Variants in GRID2 observed in about 807,000 individuals in gnomAD.
GRID2 encodes glutamate receptor ionotropic, delta-2.
GRID2 carries 33 observed loss-of-function variants against 114.8 expected under a neutral mutation model. The observed-to-expected ratio is 0.29, with a 90% CI of 0.22 to 0.38. GRID2 has a LOEUF of 0.38. Among genes scored for constraint, GRID2 ranks in the 10% least tolerant of loss-of-function variants. The pLI is 1.00. For missense variants in GRID2, 1,184 were observed against 1,257.7 expected, an observed-to-expected ratio of 0.94 and a Z score of 0.89; for synonymous variants, 505 against 449.9, an observed-to-expected ratio of 1.12 and a Z score of -1.55.
intron 1 of GRID2, among the ~76,000 whole-genome samples, chr4:92,421,861 C>G (rs879526686): frequency 2.9e-4 from 44 of 152,030 alleles, no homozygotes; most frequent in Admixed American, 2.0e-3. Flanking sequence ...GCCAATAGTT[C>G]AAATCTGCAA....
rs538431795 is a variant in GRID2, at chr4:93,589,601, A to G, written c.2194-36668A>G. ...GATGGCTGGGTCAAATGGTATTTCT[A>G]GTTCTAGATCCCTGAGGAATCGCCA... is the stretch of plus-strand genomic sequence containing the variant. On this transcript the variant is annotated intron_variant, in intron 13 of 15. Coordinates refer to ENST00000282020, the MANE Select transcript of GRID2 (RefSeq NM_001510.4). 1.6e-4 allele frequency among the ~76,000 whole-genome samples: 24 copies of G among 152,034 alleles called. No individual in the cohort carries two copies. In the East Asian group the frequency reaches 4.7e-3, roughly 29 times the overall value.
intron 2 of GRID2, among the ~76,000 whole-genome samples, chr4:92,623,438 C>A (rs1369555705): frequency 1.3e-5 from 2 of 150,976 alleles, no homozygotes; most frequent in Non-Finnish European, 3.0e-5. Context: ...ATCCAAGATA[C>A]ATGAAACAAA....
In GRID2 at chr4:92,653,432, C is replaced by A. The variant is rs753796664; in HGVS notation, c.244+63146C>A. Among the ~76,000 whole-genome samples, 96 of 151,504 alleles carry A rather than the reference C, an allele frequency of 6.3e-4. 1 individual carries two copies. The highest frequency in any genetic ancestry group is 1.3e-3 in the Non-Finnish European group (87 of 67,850). On this transcript the variant is annotated intron_variant, in intron 2 of 15. Transcript: ENST00000282020. ...ATTCACTTATCTTTTTTCTGAGTAA[C>A]TGCAATGAATTTATCATGAAATATG...
intron 4 of GRID2, among the ~76,000 whole-genome samples, chr4:93,157,939 T>C (rs182865490): frequency 6.6e-6 from 1 of 151,778 alleles, no homozygotes; most frequent in Non-Finnish European, 1.5e-5. Flanking sequence ...AACATAAAAT[T>C]ATTAAAATTT....
chr4:92,643,864 A>G (rs1411016947), intron 2 of GRID2, among the ~76,000 whole-genome samples: 1 of 151,868 alleles, frequency 6.6e-6, no homozygotes, highest in African/African-American at 2.4e-5. Flanking sequence ...TCATCTGATG[A>G]GAAATTCAAT....
At chr4:93,067,994 G>A (rs908364215) in intron 2 of GRID2, among the ~76,000 whole-genome samples, 3 of 151,932 alleles carry the variant, frequency 2.0e-5, no homozygotes, top group African/African-American at 7.2e-5. Context: ...GCAACTGTAA[G>A]CTTCTAAAGA....
intron 2 of GRID2, among the ~76,000 whole-genome samples, chr4:92,701,793 G>T (rs1734687748): frequency 6.6e-6 from 1 of 151,994 alleles, no homozygotes; most frequent in Non-Finnish European, 1.5e-5. Flanking sequence ...TTTCCTCCTA[G>T]GTAACACTGC....
At chr4:93,396,042 T>C (rs771257229) in intron 9 of GRID2, among the ~76,000 whole-genome samples, 3 of 151,980 alleles carry the variant, frequency 2.0e-5, no homozygotes, top group African/African-American at 7.2e-5. Context: ...AGTCAACATA[T>C]AGTGAACATT....
rs115804246 is a variant in GRID2, at chr4:93,217,674, C to T, written c.963+763C>T. Reference sequence around the variant, plus strand: ...TTAAGGAGCCCTCTTAAGCAAGAGACGGGAAAAAAATCAATCAGATAAACT... The same window carrying T: ...TTAAGGAGCCCTCTTAAGCAAGAGATGGGAAAAAAATCAATCAGATAAACT... On this transcript the variant is annotated intron_variant, in intron 6 of 15. Transcript: ENST00000282020. Among the ~76,000 whole-genome samples the T allele has an allele frequency of 2.9e-3, 441 of 151,378 alleles. 1 individual carries two copies. Among genetic ancestry groups the T allele is most frequent in the African/African-American group, 9.4e-3 (387 of 41,300 alleles).
chr4:93,287,614 A>G (rs891786426), intron 8 of GRID2, among the ~76,000 whole-genome samples: 14 of 152,214 alleles, frequency 9.2e-5, no homozygotes, highest in Non-Finnish European at 2.1e-4. Flanking sequence ...ACTTAATGAA[A>G]GGACAGTTGC....
chr4:93,533,900 CA>C (rs1444189234), intron 13 of GRID2, among the ~76,000 whole-genome samples: 2 of 152,094 alleles, frequency 1.3e-5, no homozygotes, highest in African/African-American at 4.8e-5. Context: ...ATTGGCTCCC[CA>C]CTCCATTCAA....
chr4:93,315,970 C>G (rs1329057937), intron 8 of GRID2, among the ~76,000 whole-genome samples: 1 of 151,940 alleles, frequency 6.6e-6, no homozygotes, highest in Non-Finnish European at 1.5e-5. Flanking sequence ...TTAAAGAGAG[C>G]AAGGATCTGA....
intron 2 of GRID2, among the ~76,000 whole-genome samples, chr4:92,894,472 AAAAT>A (rs1340440790): frequency 6.6e-6 from 1 of 152,142 alleles, no homozygotes; most frequent in Admixed American, 6.5e-5. Context: ...TTAATGTTAA[AAAAT>A]AAATAAATAA....
At chr4:92,692,024 CAA>C (rs1734206423) in intron 2 of GRID2, among the ~76,000 whole-genome samples, 3 of 152,058 alleles carry the variant, frequency 2.0e-5, no homozygotes, top group African/African-American at 7.2e-5. Flanking sequence ...AACTTAGAGA[CAA>C]AAAGCCACCC....
intron 6 of GRID2, 104 bp from the exon 7 acceptor site, chr4:93,224,510 C>A: frequency 1.5e-6 from 1 of 678,610 alleles, no homozygotes; most frequent in Non-Finnish European, 2.5e-6. Flanking sequence ...AGTAAACCAG[C>A]CATGTATGAC....
intron 2 of GRID2, among the ~76,000 whole-genome samples, chr4:92,785,249 A>C (rs1739263176): frequency 6.6e-6 from 1 of 151,540 alleles, no homozygotes; most frequent in South Asian, 2.1e-4. Context: ...AAACTGAAGT[A>C]GCAATATTAA....
intron 14 of GRID2, among the ~76,000 whole-genome samples, chr4:93,732,280 G>T (rs1402075139): frequency 6.6e-6 from 1 of 152,080 alleles, no homozygotes; most frequent in Non-Finnish European, 1.5e-5. Context: ...TAGTACAAAG[G>T]CTTTTCCTAG....
chr4:93,278,353 G>A (rs1752285870), intron 8 of GRID2, among the ~76,000 whole-genome samples: 1 of 151,876 alleles, frequency 6.6e-6, no homozygotes, highest in Non-Finnish European at 1.5e-5. Flanking sequence ...ACTGGCGCTT[G>A]AAGGCAAAGA....
intron 2 of GRID2, among the ~76,000 whole-genome samples, chr4:92,997,730 A>G (rs1755290321): frequency 6.6e-6 from 1 of 152,156 alleles, no homozygotes; most frequent in African/African-American, 2.4e-5. Flanking sequence ...AATGGTTTTC[A>G]AGTAATCCTA....
Sources: gnomAD v4.1 joint callset for allele counts (sites outside exome capture counted in the v4.1 genomes callset) on GRCh38, gnomAD v4.1.1 for gene constraint, MANE v1.5 for transcripts, NCBI Gene and HGNC (gene_info 2026-07-23, HGNC 2026-07-21) for gene names.